The following SMC1A variants were observed in gnomAD, a reference collection of about 807,000 sequenced individuals.
The protein encoded by SMC1A is structural maintenance of chromosomes 1A.
SMC1A carries 4 observed loss-of-function variants against 94.5 expected under a neutral mutation model. That is an observed-to-expected ratio of 0.04 (90% confidence interval 0.02 to 0.10). The LOEUF (loss-of-function observed/expected upper bound fraction) is 0.10, where lower values mean the gene tolerates loss of function less well. Ranked by LOEUF, SMC1A falls within the 10% of genes least tolerant of loss-of-function variation. The pLI is 1.00. For missense variants in SMC1A, 304 were observed against 989.0 expected (o/e 0.31, Z 9.29); for synonymous variants, 345 against 347.7 (o/e 0.99, Z 0.09).
At position 53,422,638 on chromosome X, in the gene SMC1A, C is replaced by T. The variant is rs782601896; in HGVS notation, c.-38G>A. 3.2e-6 allele frequency: 3 copies of T among 942,636 alleles called. No individual in the cohort carries two copies. The highest frequency in any genetic ancestry group is 4.4e-5 in the Admixed American group (2 of 45,587). 77.7% of individuals were successfully genotyped at this position (942,636 alleles called of 1,213,427 possible). ...GCCGGCGGCAGTAGGACAGGCCGCG[C>T]CGTACGCCCGAGAACTGAGGTAGCC... On this transcript the variant is annotated 5_prime_UTR_variant, in exon 1 of 25. Transcript: ENST00000322213.
intron 9 of SMC1A, among the ~76,000 whole-genome samples, chrX:53,406,956 C>T (rs1250128505): frequency 8.9e-6 from 1 of 112,175 alleles, no homozygotes; most frequent in Non-Finnish European, 1.9e-5. Context: ...CCTCGGCCTC[C>T]CAAAGTGCGA....
At chrX:53,399,844 A>G (rs1381382017) in intron 15 of SMC1A, 114 bp from the exon 16 acceptor site, 1 of 739,419 alleles carries the variant, frequency 1.4e-6, no homozygotes, top group African/African-American at 2.1e-5. Context: ...TCAGGGACCC[A>G]GAGTTACTGA....
At chrX:53,396,148 C>T (rs1321600101) in intron 18 of SMC1A, 79 bp downstream of exon 18, 1 of 1,060,194 alleles carries the variant, frequency 9.4e-7, no homozygotes, top group African/African-American at 1.8e-5. Flanking sequence ...TCTCTCACTG[C>T]CCTTCCTGGT....
intron 1 of SMC1A, chrX:53,422,130 G>A (rs1395269628): frequency 4.8e-6 from 5 of 1,039,522 alleles, no homozygotes; most frequent in Non-Finnish European, 3.9e-6. Flanking sequence ...GTAAGGCTGG[G>A]AAGCCGGCTC....
intron 22 of SMC1A, 147 bp from the exon 23 acceptor site, chrX:53,381,234 G>A: frequency 2.2e-6 from 1 of 445,770 alleles, no homozygotes; most frequent in South Asian, 3.4e-5. Flanking sequence ...AGTTGCCTGA[G>A]CCCCTGAAAG....
intron 9 of SMC1A, among the ~76,000 whole-genome samples, chrX:53,407,712 T>C (rs1317747992): frequency 9.0e-6 from 1 of 111,586 alleles, no homozygotes; most frequent in East Asian, 2.8e-4. Flanking sequence ...AAGTGAATTA[T>C]AGGTCACCCA....
At chrX:53,421,667 C>T (rs1364909618) in intron 1 of SMC1A, among the ~76,000 whole-genome samples, 1 of 111,990 alleles carries the variant, frequency 8.9e-6, no homozygotes, top group Non-Finnish European at 1.9e-5. Context: ...TCCTGTATAG[C>T]ACTTATGACA....
intron 1 of SMC1A, among the ~76,000 whole-genome samples, chrX:53,421,527 TGGACATCTGAGGTGAGA>T (rs1214336548): frequency 2.7e-5 from 3 of 111,762 alleles, no homozygotes; most frequent in Non-Finnish European, 5.6e-5. Flanking sequence ...GGATTCCAAA[TGGACATCTGAGGTGAGA>T]GGAATCCACG....
intron 1 of SMC1A, among the ~76,000 whole-genome samples, chrX:53,416,278 G>T (rs1412387967): frequency 9.7e-6 from 1 of 102,914 alleles, no homozygotes; most frequent in African/African-American, 3.6e-5. Context: ...ACTCCAGCCT[G>T]GGCAACAGAG....
chrX:53,384,000 C>G (rs1453247087), intron 19 of SMC1A, among the ~76,000 whole-genome samples: 1 of 111,937 alleles, frequency 8.9e-6, no homozygotes, highest in African/African-American at 3.2e-5. Context: ...ACTCCTAACT[C>G]AGAGATCAGG....
At position 53,421,962 on chromosome X, in the gene SMC1A, GA is replaced by G. The variant is rs782261325; in HGVS notation, c.109+529del. The G allele has an allele frequency of 9.1e-6, 11 of 1,210,217 alleles. No individual in the cohort carries two copies. In the South Asian group the frequency reaches 1.6e-4, roughly 17 times the overall value. On this transcript the variant is annotated intron_variant, in intron 1 of 24. Transcript: ENST00000322213. ...TTCTAAAGACTGGAGCGCTGGGTCT[GA>G]AATTCAAAAGTGCCGCCTCCAGAGA...
At chrX:53,389,838 A>ATTTTTT (rs1569353558) in intron 19 of SMC1A, among the ~76,000 whole-genome samples, 2 of 92,254 alleles carry the variant, frequency 2.2e-5, no homozygotes, top group African/African-American at 8.2e-5. Flanking sequence ...GATGTCCAGA[A>ATTTTTT]TTTCTTTTTT....
chrX:53,396,772 T>G (rs782550518), intron 16 of SMC1A, among the ~76,000 whole-genome samples, 155 bp from the exon 17 acceptor site: 10 of 111,594 alleles, frequency 9.0e-5, no homozygotes, highest in Non-Finnish European at 1.7e-4. Context: ...CAGCCTCCTA[T>G]CTTTTTAAAA....
intron 20 of SMC1A, 117 bp from the exon 21 acceptor site, chrX:53,382,777 A>C: frequency 5.4e-6 from 5 of 917,556 alleles, no homozygotes; most frequent in Non-Finnish European, 7.7e-6. Flanking sequence ...GGGTCCCAGA[A>C]GGATCTGTAT....
chrX:53,379,848 T>G lies in SMC1A; in HGVS notation c.*255A>C, dbSNP rs1311985718. On this transcript the variant is annotated 3_prime_UTR_variant, in exon 25 of 25. Coordinates refer to ENST00000322213, the MANE Select transcript of SMC1A (RefSeq NM_006306.4). ...TGGGTGATGAGGGGGAGGAAGGGGG[T>G]GTGTGTGATGAACAGATGGCCCTGT... The G allele has an allele frequency of 2.4e-6, 1 of 417,389 alleles. No individual in the cohort carries two copies. The highest frequency in any genetic ancestry group is 4.1e-5 in the Admixed American group (1 of 24,455). 34.4% of individuals were successfully genotyped at this position (417,389 alleles called of 1,213,427 possible).
At chrX:53,417,960 A>G (rs1459873453) in intron 1 of SMC1A, among the ~76,000 whole-genome samples, 2 of 112,390 alleles carry the variant, frequency 1.8e-5, no homozygotes, top group Non-Finnish European at 3.8e-5. Context: ...GCCTCTGAAA[A>G]GGAAACTAAG....
intron 3 of SMC1A, 45 bp downstream of exon 3, chrX:53,414,713 G>C (rs781888041): frequency 1.8e-5 from 15 of 828,999 alleles, no homozygotes; most frequent in Admixed American, 4.4e-5. Context: ...GATGGGACAT[G>C]GTCTGGCAAA....
intron 22 of SMC1A, 94 bp from the exon 23 acceptor site, chrX:53,381,181 TTC>T: frequency 1.9e-6 from 1 of 538,288 alleles, no homozygotes; most frequent in African/African-American, 2.3e-5. Flanking sequence ...ACAGGCCAGC[TTC>T]CCACTCCACT....
In SMC1A at chrX:53,405,758, C is replaced by A. The variant is rs781885282; in HGVS notation, c.1731+13G>T. The stretch of plus-strand genomic sequence containing the variant: ...TTGAACACTGGCCTGACCCAATCCC[C>A]AACAAGCCTCACCTCCAGGTAGTCA... On this transcript the variant is annotated intron_variant, in intron 10 of 24. Transcript: ENST00000322213. 2 of 1,209,635 alleles carry A rather than the reference C, an allele frequency of 1.7e-6. No homozygotes were observed. The highest frequency in any genetic ancestry group is 3.5e-5 in the South Asian group (2 of 56,768).
Sources: gnomAD v4.1 joint callset for allele counts (sites outside exome capture counted in the v4.1 genomes callset) on GRCh38, gnomAD v4.1.1 for gene constraint, MANE v1.5 for transcripts, NCBI Gene and HGNC (gene_info 2026-07-23, HGNC 2026-07-21) for gene names.